CCDC14: variants seen among roughly 807,000 people sequenced by gnomAD.
The protein encoded by CCDC14 is coiled-coil domain-containing protein 14.
In CCDC14, 71 loss-of-function variants were observed where a neutral mutation model predicts 81.4. The ratio of observed to expected loss-of-function variants is 0.87; its 90% CI spans 0.72 to 1.06. CCDC14 has a LOEUF of 1.06. Ranked by LOEUF, CCDC14 falls within the 50% of genes least tolerant of loss-of-function variation. The pLI, the probability that CCDC14 is intolerant of heterozygous loss-of-function variation, is 0.00. For missense variants in CCDC14, 1,046 were observed against 1,047.3 expected (o/e 1.00, Z 0.02); for synonymous variants, 332 against 364.8 (o/e 0.91, Z 1.03).
chr3:123,957,909 A>AT (rs1384955860), intron 1 of CCDC14: 1 of 152,082 alleles, frequency 6.6e-6, no homozygotes, highest in African/African-American at 2.4e-5. Flanking sequence ...TTCTCTTCAC[A>AT]TATTTAATTT....
Position 123,915,043 on chromosome 3 carries a change from CTTACCAA to C in CCDC14, c.2447_2453del (p.Ile816ArgfsTer28). 1.9e-6 allele frequency: 3 copies of C among 1,614,042 alleles called. No individual in the cohort carries two copies. In the East Asian group the frequency reaches 6.7e-5, roughly 36 times the overall value. On this transcript the variant is annotated frameshift_variant, in exon 13 of 13. Transcript: ENST00000409697. LOFTEE classifies it high-confidence loss of function. ...CTGGCTCCTTGGTGGCAGCAGGGAT[CTTACCAA>C]TTGCTTCCTTTATTTTCTTGAGGAG...
intron 3 of CCDC14, 96 bp downstream of exon 3, chr3:123,956,258 TC>T: frequency 8.1e-7 from 1 of 1,233,594 alleles, no homozygotes; most frequent in Non-Finnish European, 1.1e-6. Context: ...ACTTCATACT[TC>T]CTTAGAGCAA....
chr3:123,950,096 T>A (rs1362989330), intron 5 of CCDC14, among the ~76,000 whole-genome samples: 1 of 152,238 alleles, frequency 6.6e-6, no homozygotes, highest in Non-Finnish European at 1.5e-5. Flanking sequence ...TATAACAATC[T>A]GAATACTATT....
the CCDC14 span, among the ~76,000 whole-genome samples, chr3:123,886,611 T>C: frequency 9.2e-5 from 14 of 152,254 alleles, no homozygotes; most frequent in African/African-American, 3.4e-4. Flanking sequence ...TTGGCCAGGA[T>C]AGTCTCAATC....
At chr3:123,949,158 T>C (rs750964690) in intron 5 of CCDC14, 26 bp from the exon 6 acceptor site, 15 of 1,424,892 alleles carry the variant, frequency 1.1e-5, no homozygotes, top group Admixed American at 2.0e-5. Context: ...AAAAAAGTTC[T>C]TGAAATATGA....
chr3:123,956,078 AAAG>A lies in CCDC14; in HGVS notation c.194_196del (p.Ser65del). 2 of 1,547,632 alleles carry A rather than the reference AAAG, an allele frequency of 1.3e-6. No individual in the cohort carries two copies. Among genetic ancestry groups the A allele is most frequent in the South Asian group, 2.4e-5 (2 of 82,390 alleles). ...TTCATTTCTCAAAATGTCCCTCAGC[AAAG>A]AAGCACAACCATCAAGCCCGTGTAC... On this transcript the variant is annotated inframe_deletion, in exon 4 of 13. Coordinates refer to ENST00000409697, the MANE Select transcript of CCDC14 (RefSeq NM_001366335.1).
intron 10 of CCDC14, 86 bp downstream of exon 10, chr3:123,933,587 C>T (rs1394176394): frequency 2.2e-6 from 2 of 918,668 alleles, no homozygotes; most frequent in Non-Finnish European, 3.4e-6. Flanking sequence ...AATTTATCCC[C>T]TCAAAGTAAT....
At chr3:123,919,035 T>C (rs1272754817) in intron 12 of CCDC14, among the ~76,000 whole-genome samples, 1 of 151,810 alleles carries the variant, frequency 6.6e-6, no homozygotes, top group African/African-American at 2.4e-5. Context: ...GAAGAGAGCA[T>C]CTGGTCCCAT....
At position 123,939,144 on chromosome 3, in the gene CCDC14, G is replaced by A. The variant is rs138953759; in HGVS notation, c.1344-5389C>T. ...TTGCACACTTGAGAATATGACTGTT[G>A]CCTTTGCACTAAAAGGACAGCTAGA... On this transcript the variant is annotated intron_variant, in intron 9 of 12. Coordinates refer to ENST00000409697, the MANE Select transcript of CCDC14 (RefSeq NM_001366335.1). Among the ~76,000 whole-genome samples the A allele has an allele frequency of 2.8e-4, 43 of 151,756 alleles. No homozygotes were observed. In the East Asian group the frequency reaches 7.7e-3, roughly 27 times the overall value.
intron 8 of CCDC14, 88 bp downstream of exon 8, chr3:123,946,715 C>T (rs536650096): frequency 7.8e-7 from 1 of 1,284,016 alleles, no homozygotes. Context: ...TGGAAAATAC[C>T]ACAAACTCCA....
chr3:123,957,049 G>T, intron 1 of CCDC14: 1 of 261,606 alleles, frequency 3.8e-6, no homozygotes, highest in Non-Finnish European at 7.2e-6. Context: ...TTTTGTGACT[G>T]GCTTATTTCA....
At position 123,961,213 on chromosome 3, in the gene CCDC14, A is replaced by C; in HGVS notation, c.-40T>G. The C allele has an allele frequency of 6.4e-7, 1 of 1,551,570 alleles. No homozygotes were observed. ...GAGAAGCCCAGACCGAGGGAAGTGA[A>C]GCCTCACGGTAAAAAGAATTAACCG... On this transcript the variant is annotated 5_prime_UTR_variant, in exon 1 of 13. Transcript: ENST00000409697.
At chr3:123,952,576 T>C (rs1192081535) in intron 5 of CCDC14, 1 of 526,050 alleles carries the variant, frequency 1.9e-6, no homozygotes, top group African/African-American at 1.9e-5. Flanking sequence ...AGTCCCAGAA[T>C]GCATCATGGT....
intron 12 of CCDC14, among the ~76,000 whole-genome samples, chr3:123,923,457 A>G (rs914500104): frequency 6.6e-6 from 1 of 152,066 alleles, no homozygotes; most frequent in Non-Finnish European, 1.5e-5. Context: ...GAAAAAAAAT[A>G]GAAGATAATA....
downstream of CCDC14, among the ~76,000 whole-genome samples, chr3:123,908,827 T>C (rs945171591): frequency 6.6e-6 from 1 of 152,092 alleles, no homozygotes; most frequent in African/African-American, 2.4e-5. Flanking sequence ...TGTTAGAATA[T>C]AGTTCACTGC....
intron 12 of CCDC14, among the ~76,000 whole-genome samples, chr3:123,928,199 TA>T (rs1008357399): frequency 2.0e-5 from 3 of 151,762 alleles, no homozygotes; most frequent in Admixed American, 2.0e-4. Flanking sequence ...TGCATTTACT[TA>T]AAAAAAGACG....
At chr3:123,951,003 A>T (rs184312054) in intron 5 of CCDC14, among the ~76,000 whole-genome samples, 3 of 152,328 alleles carry the variant, frequency 2.0e-5, no homozygotes, top group African/African-American at 4.8e-5. Flanking sequence ...TGAAGATATC[A>T]GATGCTTCCC....
intron 5 of CCDC14, among the ~76,000 whole-genome samples, chr3:123,900,085 C>T (rs187795696): frequency 6.6e-6 from 1 of 152,232 alleles, no homozygotes; most frequent in African/African-American, 2.4e-5. Context: ...TTCTATATAT[C>T]CAAGCAATAA....
rs556870247 is a variant in CCDC14 at position 123,913,588 on chromosome 3, T to G, written c.*1191A>C. The G allele has an allele frequency of 8.5e-4, 833 of 983,824 alleles. No individual in the cohort carries two copies. The highest frequency in any genetic ancestry group is 9.4e-4 in the Non-Finnish European group (780 of 828,762). 60.9% of individuals were successfully genotyped at this position (983,824 alleles called of 1,614,324 possible). A position where few individuals can be genotyped will look rare whatever the true frequency, so the allele number is the denominator to read the frequency against. ...AGTTTAGAATTCACTTAATAAATTT[T>G]TAGACTTAAATCTCTATCTGGAAAA... On this transcript the variant is annotated 3_prime_UTR_variant, in exon 13 of 13. Transcript: ENST00000409697.
Sources: gnomAD v4.1 joint callset for allele counts (sites outside exome capture counted in the v4.1 genomes callset) on GRCh38, gnomAD v4.1.1 for gene constraint, MANE v1.5 for transcripts, NCBI Gene and HGNC (gene_info 2026-07-23, HGNC 2026-07-21) for gene names.